IL1RAPL2: variants seen among roughly 807,000 people sequenced by gnomAD.
IL1RAPL2 encodes interleukin 1 receptor accessory protein like 2.
Under a neutral mutation model 44.1 loss-of-function variants are expected in IL1RAPL2, and 3 were observed. The ratio of observed to expected loss-of-function variants is 0.07; its 90% CI spans 0.03 to 0.18. The LOEUF is 0.18. Ranked by LOEUF, IL1RAPL2 falls within the 10% of genes least tolerant of loss-of-function variation. The pLI is 1.00. For synonymous variants in IL1RAPL2, 181 were observed against 178.8 expected (o/e 1.01, Z -0.10); for missense variants, 391 against 496.4 (o/e 0.79, Z 2.02).
chrX:104,916,826 T>G (rs1320796330), intron 2 of IL1RAPL2, among the ~76,000 whole-genome samples: 2 of 111,570 alleles, frequency 1.8e-5, no homozygotes, highest in Non-Finnish European at 3.8e-5. Flanking sequence ...ATTGAGATAA[T>G]CAGGTGGTTT....
intron 5 of IL1RAPL2, among the ~76,000 whole-genome samples, chrX:105,410,865 A>G (rs897234476): frequency 9.0e-6 from 1 of 111,702 alleles, no homozygotes; most frequent in African/African-American, 3.2e-5. Flanking sequence ...TTCCAAAATC[A>G]CACTCAGAAT....
intron 2 of IL1RAPL2, among the ~76,000 whole-genome samples, chrX:104,722,335 A>C (rs1931696479): frequency 8.9e-6 from 1 of 111,771 alleles, no homozygotes; most frequent in Non-Finnish European, 1.9e-5. Flanking sequence ...TTCTTTAAAA[A>C]ATTTCTAGGT....
intron 6 of IL1RAPL2, among the ~76,000 whole-genome samples, chrX:105,617,930 TTAAA>T (rs2037389593): frequency 9.0e-6 from 1 of 111,413 alleles, no homozygotes; most frequent in Admixed American, 9.7e-5. Context: ...AGCATTATCA[TTAAA>T]TAATTTTCAC....
At chrX:105,273,489 G>T (rs2034462982) in intron 5 of IL1RAPL2, among the ~76,000 whole-genome samples, 1 of 111,733 alleles carries the variant, frequency 8.9e-6, no homozygotes, top group Non-Finnish European at 1.9e-5. Context: ...TGGCCACAAA[G>T]AAGTTATTTG....
At chrX:105,312,170 T>C (rs1261670620) in intron 5 of IL1RAPL2, among the ~76,000 whole-genome samples, 1 of 111,512 alleles carries the variant, frequency 9.0e-6, no homozygotes, top group Non-Finnish European at 1.9e-5. Context: ...TAAGAAAATT[T>C]GACCCAACAT....
At position 105,051,756 on chromosome X, in the gene IL1RAPL2, C is replaced by A. The variant is rs1351786184; in HGVS notation, c.83-143719C>A. On this transcript the variant is annotated intron_variant, in intron 2 of 10. Transcript: ENST00000372582. ...GTAGCCGGTGTGATGGCAGCAGCCA[C>A]TGCCATCAGTTTCAGCTAGAACAAC... 5.3e-5 allele frequency among the ~76,000 whole-genome samples: 6 copies of A among 112,817 alleles called. No individual in the cohort carries two copies. The East Asian group carries it at 1.7e-3, about 32-fold the overall frequency.
chrX:105,198,075 C>T (rs781843558), intron 3 of IL1RAPL2, among the ~76,000 whole-genome samples: 1 of 111,750 alleles, frequency 8.9e-6, no homozygotes, highest in Non-Finnish European at 1.9e-5. Flanking sequence ...GTACAAAGGA[C>T]ATTCTTATTT....
chrX:105,269,360 T>C (rs1327101110), intron 5 of IL1RAPL2, among the ~76,000 whole-genome samples: 1 of 110,570 alleles, frequency 9.0e-6, no homozygotes, highest in Non-Finnish European at 1.9e-5. Context: ...TTCAAAATTC[T>C]AAATGTTAGC....
At chrX:104,641,821 A>C (rs1203142225) in intron 1 of IL1RAPL2, among the ~76,000 whole-genome samples, 3 of 111,762 alleles carry the variant, frequency 2.7e-5, no homozygotes, top group Non-Finnish European at 5.6e-5. Context: ...CCAAGTTTCC[A>C]TAATGCCCCA....
intron 5 of IL1RAPL2, among the ~76,000 whole-genome samples, chrX:105,362,159 C>A (rs1364208768): frequency 8.9e-6 from 1 of 111,842 alleles, no homozygotes. Flanking sequence ...ATAATTAACA[C>A]ATATACTTGT....
intron 6 of IL1RAPL2, among the ~76,000 whole-genome samples, chrX:105,569,788 C>T (rs183160490): frequency 9.0e-6 from 1 of 111,337 alleles, no homozygotes; most frequent in Non-Finnish European, 1.9e-5. Context: ...ATGGGAACAA[C>T]CAGTATATTA....
At chrX:104,776,068 C>G (rs1008284155) in intron 2 of IL1RAPL2, among the ~76,000 whole-genome samples, 4 of 111,881 alleles carry the variant, frequency 3.6e-5, no homozygotes, top group African/African-American at 6.5e-5. Context: ...TGTCCCTTTC[C>G]CTTGACAACT....
chrX:105,445,778 G>T (rs187845943), intron 5 of IL1RAPL2, among the ~76,000 whole-genome samples: 1,808 of 110,953 alleles, frequency 0.016, 30 homozygotes, highest in African/African-American at 0.055. Context: ...CAGTTTTTTT[G>T]AATGTTTTAA....
intron 6 of IL1RAPL2, among the ~76,000 whole-genome samples, chrX:105,519,648 C>G (rs1020538441): frequency 2.4e-4 from 27 of 110,942 alleles, no homozygotes; most frequent in African/African-American, 7.9e-4. Flanking sequence ...TTGGGTAGGA[C>G]AGTTTGGGAA....
intron 1 of IL1RAPL2, among the ~76,000 whole-genome samples, chrX:104,649,400 C>T (rs1930110376): frequency 9.0e-6 from 1 of 111,504 alleles, no homozygotes; most frequent in South Asian, 3.7e-4. Context: ...AGTTTGAGAG[C>T]CATATTTCCC....
At chrX:104,889,165 G>A (rs931069155) in intron 2 of IL1RAPL2, among the ~76,000 whole-genome samples, 1 of 110,632 alleles carries the variant, frequency 9.0e-6, no homozygotes, top group Non-Finnish European at 1.9e-5. Context: ...TTAACAAACA[G>A]TCCAGGTTCT....
At chrX:104,802,478 T>C (rs1379368520) in intron 2 of IL1RAPL2, among the ~76,000 whole-genome samples, 1 of 111,486 alleles carries the variant, frequency 9.0e-6, no homozygotes, top group Non-Finnish European at 1.9e-5. Flanking sequence ...TTAATACTTC[T>C]ATGAAATAAT....
chrX:105,240,177 T>C (rs1347082737), intron 4 of IL1RAPL2, among the ~76,000 whole-genome samples: 4 of 112,751 alleles, frequency 3.5e-5, no homozygotes, highest in Non-Finnish European at 5.6e-5. Context: ...ACAAAAACTT[T>C]AAGGACTCAG....
At chrX:105,428,309 T>G (rs2035825080) in intron 5 of IL1RAPL2, among the ~76,000 whole-genome samples, 1 of 112,033 alleles carries the variant, frequency 8.9e-6, no homozygotes, top group Non-Finnish European at 1.9e-5. Context: ...TCTTTTTCTC[T>G]GTTGAAACTA....
Sources: allele counts gnomAD v4.1 joint callset (sites outside exome capture counted in the v4.1 genomes callset), GRCh38; gene constraint gnomAD v4.1.1; transcripts MANE v1.5; gene names NCBI Gene and HGNC (gene_info 2026-07-23, HGNC 2026-07-21).